The following FARP1 variants were observed in gnomAD, a reference collection of about 807,000 sequenced individuals.
FARP1 encodes the protein FERM, ARHGEF and pleckstrin domain-containing protein 1.
A neutral mutation model predicts 128.8 loss-of-function variants in FARP1; 52 were observed. The observed-to-expected ratio is 0.40, with a 90% CI of 0.32 to 0.51. The LOEUF (loss-of-function observed/expected upper bound fraction) is 0.51. Among genes scored for constraint, FARP1 ranks in the 20% least tolerant of loss-of-function variants. FARP1 has a pLI of 0.45. For missense variants in FARP1, 1,333 were observed against 1,367.9 expected (o/e 0.97, Z 0.40); for synonymous variants, 580 against 551.8 (o/e 1.05, Z -0.72).
chr13:98,184,255 T>C (rs1878715707), intron 1 of FARP1, among the ~76,000 whole-genome samples: 1 of 152,024 alleles, frequency 6.6e-6, no homozygotes, highest in African/African-American at 2.4e-5. Flanking sequence ...GAAGCTGGGA[T>C]TGTAGGCGCC....
chr13:98,263,991 T>C (rs1277262437), intron 2 of FARP1, among the ~76,000 whole-genome samples: 1 of 152,214 alleles, frequency 6.6e-6, no homozygotes, highest in Non-Finnish European at 1.5e-5. Context: ...ACAAATCACC[T>C]TCCATTGTCA....
chr13:98,211,599 T>G (rs1321974922), intron 1 of FARP1, among the ~76,000 whole-genome samples: 1 of 152,198 alleles, frequency 6.6e-6, no homozygotes, highest in Admixed American at 6.5e-5. Context: ...CCATCGTGTT[T>G]CTGTCCCGTA....
chr13:98,426,996 T>G (rs1891813301), intron 17 of FARP1, among the ~76,000 whole-genome samples: 1 of 152,150 alleles, frequency 6.6e-6, no homozygotes, highest in Admixed American at 6.5e-5. Flanking sequence ...TCCCCTGCTA[T>G]TAGCGTTTTG....
intron 1 of FARP1, among the ~76,000 whole-genome samples, chr13:98,193,949 A>G (rs1413053635): frequency 6.6e-6 from 1 of 152,174 alleles, no homozygotes; most frequent in East Asian, 1.9e-4. Flanking sequence ...TGAACTACAC[A>G]AAAATTAATA....
rs1890504362 is a variant in FARP1, at chr13:98,395,658, G to A, written c.1414+182G>A. 4.2e-6 allele frequency: 3 copies of A among 708,398 alleles called. No individual in the cohort carries two copies. In the South Asian group the frequency reaches 8.3e-5, roughly 20 times the overall value. The allele number at this position is 708,398 out of a possible 1,614,324, so 43.9% of individuals were successfully genotyped here. A position where few individuals can be genotyped will look rare whatever the true frequency, so the allele number is the denominator to read the frequency against. On this transcript the variant is annotated intron_variant, in intron 13 of 26. Coordinates refer to ENST00000319562, the MANE Select transcript of FARP1 (RefSeq NM_005766.4). ...ATCTGACCAGCGGTGTCTATCTGCTGTCCAGGGAGGAGGGGCGAAGAGAGG... is the reference window on the plus strand; with the variant it reads ...ATCTGACCAGCGGTGTCTATCTGCTATCCAGGGAGGAGGGGCGAAGAGAGG...
rs1880838176 is a variant in FARP1 at position 98,213,235 on chromosome 13, C to T, written c.-8C>T. The T allele has an allele frequency of 1.9e-6, 3 of 1,610,386 alleles. No homozygotes were observed. The South Asian group carries it at 3.3e-5, about 18-fold the overall frequency. On this transcript the variant is annotated 5_prime_UTR_variant, in exon 2 of 27. Coordinates refer to ENST00000319562, the MANE Select transcript of FARP1 (RefSeq NM_005766.4). ...CTTCCTGCAGATATTCTCTAAGCCG[C>T]TTTCATCATGGGAGAAATAGAGCAG...
chr13:98,412,260 C>T (rs983739935), intron 16 of FARP1, among the ~76,000 whole-genome samples: 2 of 152,118 alleles, frequency 1.3e-5, no homozygotes, highest in African/African-American at 4.8e-5. Context: ...ATTTTTTTCC[C>T]TCTCTTATGA....
chr13:98,395,244 C>T lies in FARP1; in HGVS notation c.1182C>T (p.Ser394=). Reference sequence around the variant, plus strand: ...CCACCCAGTCTCAGCAGAGCACCAGCCTTACATTTGGAGAAGGTGCCGAAT... The same window carrying T: ...CCACCCAGTCTCAGCAGAGCACCAGTCTTACATTTGGAGAAGGTGCCGAAT... ...EVLEQSQQST[S]LTFGEGAESP... is the part of the protein sequence containing the mutation. The change falls in exon 13 of 27, where the codon AGC becomes AGT. Residue 394 remains serine, a synonymous_variant. Transcript: ENST00000319562. 6.2e-7 allele frequency: 1 copy of T among 1,601,814 alleles called. No individual in the cohort carries two copies. The highest frequency in any genetic ancestry group is 8.5e-7 in the Non-Finnish European group (1 of 1,170,194).
At chr13:98,448,137 C>A in intron 26 of FARP1, 99 bp from the exon 27 acceptor site, 1 of 976,346 alleles carries the variant, frequency 1.0e-6, no homozygotes, top group Non-Finnish European at 1.6e-6. Flanking sequence ...ACCAACCAGG[C>A]GGCCTGACTT....
At chr13:98,295,044 ATTACACACACAC>A (rs1350264708) in intron 2 of FARP1, among the ~76,000 whole-genome samples, 1 of 133,358 alleles carries the variant, frequency 7.5e-6, no homozygotes, top group African/African-American at 2.9e-5. Context: ...ATATATATAT[ATTACACACACAC>A]ACACACACAC....
At chr13:98,415,274 A>C in intron 16 of FARP1, among the ~76,000 whole-genome samples, 1 of 152,172 alleles carries the variant, frequency 6.6e-6, no homozygotes. Context: ...TGTGTGTTTT[A>C]AGTACTTCTT....
At chr13:98,313,754 G>A (rs1438458490) in intron 2 of FARP1, among the ~76,000 whole-genome samples, 1 of 152,154 alleles carries the variant, frequency 6.6e-6, no homozygotes, top group African/African-American at 2.4e-5. Flanking sequence ...AAAAAAATGC[G>A]GAAGAAGTAA....
Position 98,431,218 on chromosome 13 carries a change from A to C in FARP1, c.2081A>C (p.Gln694Pro), listed in dbSNP as rs1263322803. ...RPLHRLMHYKQVLERLCKHHP... is the reference protein window; with the variant it reads ...RPLHRLMHYKPVLERLCKHHP... ...CTGCACCGGCTCATGCACTACAAGC[A>C]GGTCCTGGAGCGGCTGTGCAAACAC... Residue 694 changes from glutamine (Q) to proline (P), a missense_variant, in exon 18 of 27, where the codon CAG (glutamine) becomes CCG (proline). This residue lies in a region of FARP1 where 1,009 missense variants were observed against 969.8 expected (regional missense o/e 1.04). Transcript: ENST00000319562. 6.2e-7 allele frequency: 1 copy of C among 1,602,730 alleles called. No homozygotes were observed. The highest frequency in any genetic ancestry group is 8.5e-7 in the Non-Finnish European group (1 of 1,174,950).
intron 18 of FARP1, chr13:98,431,942 T>C (rs11620100): frequency 0.34 from 51,514 of 152,128 alleles, 9,140 homozygotes; most frequent in Non-Finnish European, 0.39. Flanking sequence ...CGGAAACTCA[T>C]CCCTCTACCA....
chr13:98,293,268 A>G (rs1318138149), intron 2 of FARP1, among the ~76,000 whole-genome samples: 2 of 152,166 alleles, frequency 1.3e-5, no homozygotes, highest in Non-Finnish European at 2.9e-5. Flanking sequence ...ATAAATATTT[A>G]CCAAGCTAAG....
intron 2 of FARP1, among the ~76,000 whole-genome samples, chr13:98,289,047 G>C (rs997684695): frequency 6.7e-6 from 1 of 149,736 alleles, no homozygotes; most frequent in Non-Finnish European, 1.5e-5. Flanking sequence ...TAATGTTTGC[G>C]ATACCGTGTA....
At chr13:98,334,091 T>C (rs1887637934) in intron 2 of FARP1, 1 of 140,620 alleles carries the variant, frequency 7.1e-6, no homozygotes, top group African/African-American at 2.9e-5. Flanking sequence ...AATCTTTACG[T>C]CCATTTTATG....
At chr13:98,433,370 C>G (rs1297967569) in intron 18 of FARP1, 1 of 152,216 alleles carries the variant, frequency 6.6e-6, no homozygotes, top group Non-Finnish European at 1.5e-5. Context: ...GAGACAGTGA[C>G]AGTTCACAGA....
At chr13:98,171,813 G>A (rs1163645070) in intron 1 of FARP1, among the ~76,000 whole-genome samples, 1 of 152,208 alleles carries the variant, frequency 6.6e-6, no homozygotes, top group East Asian at 1.9e-4. Context: ...GGTAGCCTCT[G>A]AACTCGTCTG....
Sources: gnomAD v4.1 joint callset for allele counts (sites outside exome capture counted in the v4.1 genomes callset) on GRCh38, gnomAD v4.1.1 for gene constraint, gnomAD v4.1.1 regional missense constraint, MANE v1.5 for transcripts, NCBI Gene and HGNC (gene_info 2026-07-23, HGNC 2026-07-21) for gene names.